The following ADK variants were observed in gnomAD, a reference collection of about 807,000 sequenced individuals.
The protein encoded by ADK is N6,N6-dimethyladenosine kinase.
ADK carries 24 observed loss-of-function variants against 44.7 expected under a neutral mutation model. The observed-to-expected ratio is 0.54, with a 90% CI of 0.39 to 0.76. The LOEUF (loss-of-function observed/expected upper bound fraction) is 0.76, where lower values mean the gene tolerates loss of function less well. Ranked by LOEUF, ADK falls within the 30% of genes least tolerant of loss-of-function variation. The probability of loss-of-function intolerance (pLI) is 0.00; values close to 1 mark genes in which losing one functional copy is unlikely to be tolerated. For missense variants in ADK, 321 were observed against 425.1 expected (o/e 0.76, Z 2.15); for synonymous variants, 128 against 142.6 (o/e 0.90, Z 0.73).
Position 74,375,545 on chromosome 10 carries a change from C to G in ADK, c.274-18596C>G, listed in dbSNP as rs1842789560. On this transcript the variant is annotated intron_variant, in intron 4 of 10. Transcript: ENST00000539909. ...CTGTCTTCACAATCAGCATTTTGGA[C>G]CGTGATACAGTTGTTACTACCTATT... Among the ~76,000 whole-genome samples, 3 of 152,208 alleles carry G rather than the reference C, an allele frequency of 2.0e-5. 1 individual carries two copies. The South Asian group carries it at 6.2e-4, about 32-fold the overall frequency.
chr10:74,347,030 C>T (rs564695699), intron 4 of ADK, among the ~76,000 whole-genome samples: 3 of 142,306 alleles, frequency 2.1e-5, no homozygotes, highest in African/African-American at 8.2e-5. Flanking sequence ...TGGTGTGAAC[C>T]CGGGAGGTGG....
At chr10:74,500,711 G>A (rs573128909) in intron 6 of ADK, among the ~76,000 whole-genome samples, 88 of 152,182 alleles carry the variant, frequency 5.8e-4, no homozygotes, top group Non-Finnish European at 9.9e-4. Context: ...GACATATTCC[G>A]ATGTCATGGA....
intron 10 of ADK, among the ~76,000 whole-genome samples, chr10:74,676,909 A>G (rs1046991837): frequency 1.3e-5 from 2 of 152,208 alleles, no homozygotes; most frequent in African/African-American, 2.4e-5. Flanking sequence ...ATCACAATGC[A>G]AATAATTCTC....
At chr10:74,505,167 AT>A (rs1848019085) in intron 6 of ADK, among the ~76,000 whole-genome samples, 1 of 152,038 alleles carries the variant, frequency 6.6e-6, no homozygotes, top group Non-Finnish European at 1.5e-5. Flanking sequence ...ATACGTTGTA[AT>A]TTCTGTCTTA....
chr10:74,420,563 C>T (rs1317581747), intron 6 of ADK, among the ~76,000 whole-genome samples: 1 of 152,062 alleles, frequency 6.6e-6, no homozygotes, highest in Non-Finnish European at 1.5e-5. Context: ...CTTGTAGGTT[C>T]TATCCCTGGA....
At chr10:74,565,342 TGAGAAAGTTAAAGATTTTAACAACTCAA>T (rs377437490) in intron 7 of ADK, among the ~76,000 whole-genome samples, 4 of 152,306 alleles carry the variant, frequency 2.6e-5, no homozygotes, top group African/African-American at 9.6e-5. Flanking sequence ...AACAACTTAA[TGAGAAAGTTAAAGATTTTAACAACTCAA>T]GATTGCTGCC....
At chr10:74,340,770 A>T (rs990265784) in intron 4 of ADK, among the ~76,000 whole-genome samples, 5 of 152,082 alleles carry the variant, frequency 3.3e-5, no homozygotes, top group African/African-American at 9.7e-5. Flanking sequence ...TACTGTTTTA[A>T]TTGTCTATAT....
intron 6 of ADK, among the ~76,000 whole-genome samples, chr10:74,455,658 C>T (rs142618939): frequency 0.021 from 3,158 of 152,176 alleles, 39 homozygotes; most frequent in Non-Finnish European, 0.032. Flanking sequence ...TACAGGTGTG[C>T]GCCACCACGC....
intron 1 of ADK, among the ~76,000 whole-genome samples, chr10:74,153,542 CAT>C (rs1477802609): frequency 1.3e-5 from 2 of 152,176 alleles, no homozygotes; most frequent in Non-Finnish European, 2.9e-5. Context: ...CAGGCTCTGA[CAT>C]GTTTTCACGT....
chr10:74,382,978 C>G (rs1357641531), intron 4 of ADK, among the ~76,000 whole-genome samples: 2 of 151,802 alleles, frequency 1.3e-5, no homozygotes, highest in African/African-American at 4.8e-5. Context: ...CACACATACC[C>G]TGCAATGATA....
chr10:74,687,504 C>T (rs1310699381), intron 10 of ADK, among the ~76,000 whole-genome samples: 1 of 152,210 alleles, frequency 6.6e-6, no homozygotes, highest in Non-Finnish European at 1.5e-5. Context: ...AATTTACGTG[C>T]ACAAAACATT....
chr10:74,447,588 C>T (rs536035850), intron 6 of ADK, among the ~76,000 whole-genome samples: 2 of 152,252 alleles, frequency 1.3e-5, no homozygotes, highest in East Asian at 3.9e-4. Flanking sequence ...CTCTGATCCC[C>T]TTCACTATAG....
chr10:74,390,658 G>A (rs577398964), intron 4 of ADK, among the ~76,000 whole-genome samples: 20 of 152,238 alleles, frequency 1.3e-4, no homozygotes, highest in South Asian at 1.0e-3. Flanking sequence ...GTCCTTGATA[G>A]CTGTTTAATT....
intron 3 of ADK, among the ~76,000 whole-genome samples, chr10:74,275,288 G>A (rs1458528616): frequency 6.6e-6 from 1 of 152,094 alleles, no homozygotes. Context: ...GGAAATACCA[G>A]AGAGAGCCCC....
intron 3 of ADK, among the ~76,000 whole-genome samples, chr10:74,259,964 A>T (rs532702318): frequency 5.3e-5 from 8 of 152,230 alleles, no homozygotes; most frequent in African/African-American, 1.9e-4. Context: ...AAGACTATGT[A>T]TGTTAAGTGC....
At chr10:74,645,267 G>A (rs1311594081) in intron 9 of ADK, among the ~76,000 whole-genome samples, 2 of 152,132 alleles carry the variant, frequency 1.3e-5, no homozygotes, top group East Asian at 3.9e-4. Flanking sequence ...CTACTTCTCT[G>A]TTCAGTATAT....
intron 3 of ADK, among the ~76,000 whole-genome samples, chr10:74,269,285 A>G (rs777261605): frequency 3.3e-5 from 5 of 152,200 alleles, no homozygotes; most frequent in African/African-American, 4.8e-5. Context: ...AACTAACAAT[A>G]CATATGAAAC....
intron 1 of ADK, among the ~76,000 whole-genome samples, chr10:74,151,777 T>TG (rs1841599854): frequency 6.6e-6 from 1 of 152,216 alleles, no homozygotes; most frequent in South Asian, 2.1e-4. Flanking sequence ...TTCAGAGTGT[T>TG]GCGGAAGGGC....
At chr10:74,156,194 A>G (rs1591786992) in intron 1 of ADK, among the ~76,000 whole-genome samples, 2 of 152,192 alleles carry the variant, frequency 1.3e-5, no homozygotes, top group Non-Finnish European at 1.5e-5. Context: ...GCCTTAGGAA[A>G]ACAAGGGGCA....
Sources: allele counts gnomAD v4.1 joint callset (sites outside exome capture counted in the v4.1 genomes callset), GRCh38; gene constraint gnomAD v4.1.1; transcripts MANE v1.5; gene names NCBI Gene and HGNC (gene_info 2026-07-23, HGNC 2026-07-21).